Variants in ITPR2 observed in about 807,000 individuals in gnomAD.
ITPR2 encodes inositol 1,4,5-trisphosphate receptor type 2.
Under a neutral mutation model 317.1 loss-of-function variants are expected in ITPR2, and 207 were observed. The ratio of observed to expected loss-of-function variants is 0.65; its 90% confidence interval spans 0.58 to 0.73. ITPR2 has a LOEUF of 0.73. Ranked by LOEUF, ITPR2 falls within the 30% of genes least tolerant of loss-of-function variation. The probability of loss-of-function intolerance (pLI) is 0.00; values close to 1 mark genes in which losing one functional copy is unlikely to be tolerated. For synonymous variants in ITPR2, 1,156 were observed against 1,149.1 expected (o/e 1.01, Z -0.12); for missense variants, 2,613 against 3,284.0 (o/e 0.80, Z 4.99).
intron 34 of ITPR2, among the ~76,000 whole-genome samples, chr12:26,573,874 G>A (rs1390328039): frequency 6.6e-6 from 1 of 152,180 alleles, no homozygotes; most frequent in Non-Finnish European, 1.5e-5. Context: ...GTCAGTGGGT[G>A]AGTGACATGC....
At position 26,568,753 on chromosome 12, in the gene ITPR2, G is replaced by A. The variant is rs138240143; in HGVS notation, c.4631-6801C>T. 1.6e-3 allele frequency among the ~76,000 whole-genome samples: 241 copies of A among 152,266 alleles called. 1 individual carries two copies. Among genetic ancestry groups the A allele is most frequent in the Non-Finnish European group, 3.0e-3 (201 of 68,006 alleles). ...TCAAGTTCTACTGTATAGCCCAGGT[G>A]GAGCACAGGAAAGTGGAATGGCAGG... is the stretch of plus-strand genomic sequence containing the variant. On this transcript the variant is annotated intron_variant, in intron 34 of 56. Transcript: ENST00000381340.
intron 45 of ITPR2, among the ~76,000 whole-genome samples, chr12:26,472,442 C>T (rs578024632): frequency 2.6e-5 from 4 of 151,998 alleles, no homozygotes; most frequent in South Asian, 2.1e-4. Context: ...ATTGGACCTT[C>T]GTTGCTCTAC....
chr12:26,721,206 T>A, intron 5 of ITPR2: 2 of 312,482 alleles, frequency 6.4e-6, no homozygotes, highest in Non-Finnish European at 5.5e-6. Context: ...AAAAGTAGGG[T>A]TTTTTTTTTA....
At chr12:26,627,506 T>C (rs1946648363) in intron 23 of ITPR2, 1 of 152,612 alleles carries the variant, frequency 6.6e-6, no homozygotes, top group Non-Finnish European at 1.5e-5. Flanking sequence ...GGAAAAGGCA[T>C]TCATAGGAGT....
chr12:26,710,657 A>G (rs1040838915), intron 9 of ITPR2, among the ~76,000 whole-genome samples: 2 of 152,228 alleles, frequency 1.3e-5, no homozygotes, highest in South Asian at 2.1e-4. Flanking sequence ...GTCTGTCAAC[A>G]TACTTTTAGT....
chr12:26,609,272 A>G (rs1946209343), intron 26 of ITPR2, among the ~76,000 whole-genome samples: 1 of 152,186 alleles, frequency 6.6e-6, no homozygotes, highest in Non-Finnish European at 1.5e-5. Flanking sequence ...AAGAAACCAT[A>G]TGGGTACATA....
At chr12:26,693,916 T>A (rs1161674724) in intron 10 of ITPR2, among the ~76,000 whole-genome samples, 1 of 152,068 alleles carries the variant, frequency 6.6e-6, no homozygotes, top group African/African-American at 2.4e-5. Flanking sequence ...GTGAAGTACA[T>A]AAGACGAACA....
chr12:26,732,579 C>G (rs1220852584), intron 2 of ITPR2, among the ~76,000 whole-genome samples: 1 of 152,152 alleles, frequency 6.6e-6, no homozygotes, highest in Non-Finnish European at 1.5e-5. Context: ...CTTCACAAGA[C>G]TCTCAAGAGT....
rs566803129 is a variant in ITPR2 at position 26,427,685 on chromosome 12, G to A, written c.6945+228C>T. Among the ~76,000 whole-genome samples, 78 of 152,124 alleles carry A rather than the reference G, an allele frequency of 5.1e-4. No homozygotes were observed. In the South Asian group the frequency reaches 0.016, roughly 30 times the overall value. On this transcript the variant is annotated intron_variant, in intron 49 of 56. Transcript: ENST00000381340. ...TGGATTAAATTGATGGCAGAACTGGGTCATTCCCCAAATGTTACTTCTTAA... is the reference window on the plus strand; with the variant it reads ...TGGATTAAATTGATGGCAGAACTGGATCATTCCCCAAATGTTACTTCTTAA...
chr12:26,654,005 A>C lies in ITPR2; in HGVS notation c.2711T>G (p.Phe904Cys). ...ATCTTGAAATTTGCTTAATCTTTCAAAGTATGATGACATGGGGGCCTGTAC... is the reference window on the plus strand; with the variant it reads ...ATCTTGAAATTTGCTTAATCTTTCACAGTATGATGACATGGGGGCCTGTAC... ...DIVQAPMSSY[F>C]ERLSKFQDGG... Residue 904 changes from phenylalanine to cysteine, a missense_variant, in exon 21 of 57, where the codon TTT (phenylalanine) becomes TGT (cysteine). Physicochemically the swap from Phe to Cys is radical, Grantham distance 205. Coordinates refer to ENST00000381340, the MANE Select transcript of ITPR2 (RefSeq NM_002223.4). 2 of 1,611,460 alleles carry C rather than the reference A, an allele frequency of 1.2e-6. No homozygotes were observed. The highest frequency in any genetic ancestry group is 1.7e-6 in the Non-Finnish European group (2 of 1,178,254).
At chr12:26,679,946 A>G (rs1947997882) in intron 13 of ITPR2, among the ~76,000 whole-genome samples, 1 of 152,024 alleles carries the variant, frequency 6.6e-6, no homozygotes, top group African/African-American at 2.4e-5. Context: ...ATCAAATTTT[A>G]ATATGCAAAT....
At chr12:26,605,856 T>C (rs1337931356) in intron 26 of ITPR2, among the ~76,000 whole-genome samples, 2 of 152,200 alleles carry the variant, frequency 1.3e-5, no homozygotes, top group African/African-American at 2.4e-5. Context: ...TTTAATTAAA[T>C]TGAACAAAAA....
chr12:26,730,562 T>C (rs1258936911), intron 2 of ITPR2, among the ~76,000 whole-genome samples: 1 of 152,238 alleles, frequency 6.6e-6, no homozygotes, highest in Non-Finnish European at 1.5e-5. Flanking sequence ...TTAATTTTTT[T>C]AAAAGCTTAA....
chr12:26,549,716 A>T (rs1405702345), intron 37 of ITPR2, among the ~76,000 whole-genome samples: 1 of 152,104 alleles, frequency 6.6e-6, no homozygotes, highest in Admixed American at 6.6e-5. Context: ...CTATAGGTTG[A>T]TATTTCCCTG....
At chr12:26,677,338 G>A (rs940660590) in intron 13 of ITPR2, among the ~76,000 whole-genome samples, 10 of 152,146 alleles carry the variant, frequency 6.6e-5, no homozygotes, top group Admixed American at 5.9e-4. Context: ...GGTGGCTCAC[G>A]TCTGTAATCT....
chr12:26,415,439 T>A lies in ITPR2; in HGVS notation c.7170A>T (p.Arg2390=). 3 of 1,611,584 alleles carry A rather than the reference T, an allele frequency of 1.9e-6. No homozygotes were observed. The highest frequency in any genetic ancestry group is 2.5e-6 in the Non-Finnish European group (3 of 1,178,532). Residue 2390 remains arginine (R), a synonymous_variant, in exon 51 of 57, where the codon CGA becomes CGT. Coordinates refer to ENST00000381340, the MANE Select transcript of ITPR2 (RefSeq NM_002223.4). ...CAGTTAGAATAATAGAGCGGCCATT[T>A]CGTGTGACACTTTTTATGACATTCA... is the stretch of plus-strand genomic sequence containing the variant. ...TLLNVIKSVT[R]NGRSIILTAV...
intron 55 of ITPR2, among the ~76,000 whole-genome samples, chr12:26,345,023 C>T (rs1565481460): frequency 1.3e-5 from 2 of 152,112 alleles, no homozygotes; most frequent in African/African-American, 4.8e-5. Flanking sequence ...TCTTGTTCCA[C>T]TCCTCCCTTC....
intron 52 of ITPR2, chr12:26,406,673 G>A (rs1239731709): frequency 6.6e-6 from 1 of 152,024 alleles, no homozygotes. Context: ...ACTAGGGTTT[G>A]CAAGTTAAAA....
At chr12:26,634,604 C>T (rs1431545415) in intron 21 of ITPR2, among the ~76,000 whole-genome samples, 4 of 151,972 alleles carry the variant, frequency 2.6e-5, no homozygotes, top group East Asian at 1.9e-4. Flanking sequence ...AGGAAGGAAA[C>T]GCCAGGCACG....
Sources: gnomAD v4.1 joint callset for allele counts (sites outside exome capture counted in the v4.1 genomes callset) on GRCh38, gnomAD v4.1.1 for gene constraint, MANE v1.5 for transcripts, NCBI Gene and HGNC (gene_info 2026-07-23, HGNC 2026-07-21) for gene names.